Variants in RNLS observed in about 807,000 individuals in gnomAD.
RNLS encodes renalase, FAD dependent amine oxidase.
A neutral mutation model predicts 39.8 loss-of-function variants in RNLS; 39 were observed. The ratio of observed to expected loss-of-function variants is 0.98; its 90% CI spans 0.76 to 1.28. The LOEUF is 1.28. RNLS is among the 50% of genes most tolerant of loss of function. RNLS has a pLI of 0.00. For synonymous variants in RNLS, 147 were observed against 150.7 expected, an observed-to-expected ratio of 0.98 and a Z score of 0.18; for missense variants, 410 against 413.3, an observed-to-expected ratio of 0.99 and a Z score of 0.07.
intron 4 of RNLS, among the ~76,000 whole-genome samples, chr10:88,450,587 A>C (rs1177199156): frequency 6.6e-6 from 1 of 152,200 alleles, no homozygotes; most frequent in African/African-American, 2.4e-5. Flanking sequence ...GGTACAGACC[A>C]CATAAAACTG....
At chr10:88,485,063 T>C (rs1844410591) in intron 4 of RNLS, among the ~76,000 whole-genome samples, 1 of 151,918 alleles carries the variant, frequency 6.6e-6, no homozygotes, top group South Asian at 2.1e-4. Flanking sequence ...ATCTACACTG[T>C]CAACACAATC....
chr10:88,499,649 C>T (rs1481928671), intron 4 of RNLS, among the ~76,000 whole-genome samples: 1 of 151,938 alleles, frequency 6.6e-6, no homozygotes, highest in Non-Finnish European at 1.5e-5. Flanking sequence ...TTGGACCATC[C>T]CCACAGTAAC....
chr10:88,391,965 T>C (rs775259351), intron 4 of RNLS, among the ~76,000 whole-genome samples: 4 of 152,228 alleles, frequency 2.6e-5, no homozygotes, highest in Admixed American at 2.6e-4. Flanking sequence ...CCGGAGGGGA[T>C]AGAACAGGGT....
rs567764983 is a variant in RNLS, at chr10:88,398,128, G to A, written c.527-35403C>T. Among the ~76,000 whole-genome samples, 13 of 152,214 alleles carry A rather than the reference G, an allele frequency of 8.5e-5. No individual in the cohort carries two copies. In the South Asian group the frequency reaches 2.7e-3, roughly 32 times the overall value. ...GAAGATGACTGCCATTGCAAAGACAGTTTGTTATACTCATAGATCCCAAAA... is the reference window on the plus strand; with the variant it reads ...GAAGATGACTGCCATTGCAAAGACAATTTGTTATACTCATAGATCCCAAAA... On this transcript the variant is annotated intron_variant, in intron 4 of 6. Coordinates refer to ENST00000331772, the MANE Select transcript of RNLS (RefSeq NM_001031709.3).
chr10:88,239,268 C>A, the RNLS span, among the ~76,000 whole-genome samples: 1 of 152,128 alleles, frequency 6.6e-6, no homozygotes, highest in Non-Finnish European at 1.5e-5. Flanking sequence ...TAACTGAACT[C>A]TTTTCAAGTC....
chr10:88,405,601 T>C (rs1853214239), intron 4 of RNLS, among the ~76,000 whole-genome samples: 1 of 152,030 alleles, frequency 6.6e-6, no homozygotes, highest in Non-Finnish European at 1.5e-5. Context: ...ATGTGTTAGG[T>C]GAGTCTCCTG....
At chr10:88,270,273 G>C (rs375153506), downstream of RNLS, among the ~76,000 whole-genome samples, 2 of 152,178 alleles carry the variant, frequency 1.3e-5, no homozygotes, top group African/African-American at 4.8e-5. Context: ...TCCTAGTGCG[G>C]TCAAGTGCAG....
chr10:88,538,046 T>G (rs1018412500), intron 4 of RNLS, among the ~76,000 whole-genome samples: 2 of 152,126 alleles, frequency 1.3e-5, no homozygotes, highest in African/African-American at 4.8e-5. Flanking sequence ...AGTGGAAAAA[T>G]ATAATTAATG....
chr10:88,444,516 C>G (rs548532291), intron 4 of RNLS, among the ~76,000 whole-genome samples: 2 of 152,216 alleles, frequency 1.3e-5, no homozygotes, highest in African/African-American at 4.8e-5. Context: ...GACGATCAAA[C>G]TTCTCCAAGC....
intron 6 of RNLS, among the ~76,000 whole-genome samples, chr10:88,301,363 G>A (rs749112900): frequency 3.3e-5 from 5 of 152,118 alleles, no homozygotes; most frequent in African/African-American, 9.7e-5. Context: ...ATGACAAGGA[G>A]GTGGGCAATT....
chr10:88,271,073 C>T (rs925854464), downstream of RNLS, among the ~76,000 whole-genome samples: 7 of 152,126 alleles, frequency 4.6e-5, no homozygotes, highest in African/African-American at 1.7e-4. Flanking sequence ...TGATCATTTC[C>T]TCTGTTATTT....
intron 5 of RNLS, among the ~76,000 whole-genome samples, chr10:88,330,008 T>G (rs1028009414): frequency 6.7e-6 from 1 of 149,916 alleles, no homozygotes; most frequent in Non-Finnish European, 1.5e-5. Context: ...TCTGGCTTTT[T>G]TTGTTGTTGT....
At chr10:88,398,948 A>T (rs1046306162) in intron 4 of RNLS, among the ~76,000 whole-genome samples, 7 of 152,158 alleles carry the variant, frequency 4.6e-5, no homozygotes, top group African/African-American at 1.7e-4. Context: ...TAAAAACATA[A>T]ATAACCCAAT....
chr10:88,345,688 A>T (rs1346913097), intron 5 of RNLS, among the ~76,000 whole-genome samples: 1 of 152,136 alleles, frequency 6.6e-6, no homozygotes, highest in African/African-American at 2.4e-5. Context: ...ATACTATCTC[A>T]TTCAATCTTT....
chr10:88,581,458 G>T, intron 3 of RNLS, 109 bp downstream of exon 3: 1 of 907,104 alleles, frequency 1.1e-6, no homozygotes, highest in East Asian at 2.9e-5. Context: ...TCAGCAAATA[G>T]AGCACCTAAT....
chr10:88,536,583 T>A (rs961448513), intron 4 of RNLS, among the ~76,000 whole-genome samples: 3 of 152,208 alleles, frequency 2.0e-5, no homozygotes, highest in Admixed American at 1.3e-4. Flanking sequence ...CATCTCCTAC[T>A]ACGCTGTCCC....
intron 4 of RNLS, among the ~76,000 whole-genome samples, chr10:88,442,752 C>A (rs1841792922): frequency 6.6e-6 from 1 of 152,118 alleles, no homozygotes; most frequent in African/African-American, 2.4e-5. Flanking sequence ...ACTTCTCCTC[C>A]TTGCCACAGT....
intron 4 of RNLS, among the ~76,000 whole-genome samples, chr10:88,572,016 C>A (rs998180487): frequency 3.9e-5 from 6 of 152,148 alleles, no homozygotes; most frequent in Non-Finnish European, 7.4e-5. Flanking sequence ...GTGGATTTAT[C>A]ACAAGTTTCT....
chr10:88,395,065 G>T (rs1852469126), intron 4 of RNLS, among the ~76,000 whole-genome samples: 1 of 151,960 alleles, frequency 6.6e-6, no homozygotes, highest in African/African-American at 2.4e-5. Context: ...ACGGGAGAGG[G>T]ATAGCATTAG....
Sources: allele counts gnomAD v4.1 joint callset (sites outside exome capture counted in the v4.1 genomes callset), GRCh38; gene constraint gnomAD v4.1.1; transcripts MANE v1.5; gene names NCBI Gene and HGNC (gene_info 2026-07-23, HGNC 2026-07-21).